Variants in GPAM observed in about 807,000 individuals in gnomAD.
GPAM encodes glycerol-3-phosphate acyltransferase, mitochondrial.
GPAM carries 56 observed loss-of-function variants against 105.0 expected under a neutral mutation model. That is an observed-to-expected ratio of 0.53 (90% CI 0.43 to 0.67). The LOEUF is 0.67. Among genes scored for constraint, GPAM ranks in the 30% least tolerant of loss-of-function variants. The probability of loss-of-function intolerance (pLI) is 0.00; values close to 1 mark genes in which losing one functional copy is unlikely to be tolerated. For missense variants in GPAM, 855 were observed against 989.8 expected (o/e 0.86, Z 1.83); for synonymous variants, 368 against 354.4 (o/e 1.04, Z -0.43).
In GPAM at chr10:112,172,147, TTAATTCCTTAAATTCCAAAA is replaced by T. The variant is rs779644355; in HGVS notation, c.794+15_794+34del. Reference sequence around the variant, plus strand: ...AATTAAAATTCAAAACATAATCTTTTTAATTCCTTAAATTCCAAAATAAGCTCATCTTACCTGAAGATTGG... The same window carrying T: ...AATTAAAATTCAAAACATAATCTTTTTAAGCTCATCTTACCTGAAGATTGG... On this transcript the variant is annotated intron_variant, in intron 9 of 21. Transcript: ENST00000348367. 2.0e-6 allele frequency: 3 copies of T among 1,503,644 alleles called. No homozygotes were observed. In the African/African-American group the frequency reaches 4.1e-5, roughly 21 times the overall value. 93.1% of individuals were successfully genotyped at this position (1,503,644 alleles called of 1,614,324 possible).
At chr10:112,223,672 A>T in the GPAM span, among the ~76,000 whole-genome samples, 3 of 152,198 alleles carry the variant, frequency 2.0e-5, no homozygotes, top group Admixed American at 6.5e-5. Flanking sequence ...AAGTACTCTA[A>T]ACTGCCCTAA....
intron 2 of GPAM, 75 bp from the exon 3 acceptor site, chr10:112,181,888 TA>T: frequency 1.4e-6 from 1 of 721,362 alleles, no homozygotes; most frequent in Admixed American, 2.0e-5. Flanking sequence ...TTCTGATTTC[TA>T]CATTACTTTG....
rs1288410566 is a variant in GPAM, at chr10:112,174,162, A to G, written c.414-317T>C. The stretch of plus-strand genomic sequence containing the variant: ...ACGAAATTGTACTCTAGCAGAAGAG[A>G]GAAAAAGAAAGGTTATCCCTTTAGG... On this transcript the variant is annotated intron_variant, in intron 6 of 21. Transcript: ENST00000348367. 3.3e-5 allele frequency among the ~76,000 whole-genome samples: 5 copies of G among 152,192 alleles called. No individual in the cohort carries two copies. In the East Asian group the frequency reaches 9.6e-4, roughly 29 times the overall value.
intron 14 of GPAM, 30 bp downstream of exon 14, chr10:112,163,671 T>G (rs374240412): frequency 4.0e-6 from 4 of 1,008,558 alleles, no homozygotes; most frequent in Non-Finnish European, 6.4e-6. Flanking sequence ...ATCTAAATTG[T>G]AGAATTAAAG....
the GPAM span, among the ~76,000 whole-genome samples, chr10:112,226,875 G>A: frequency 6.6e-6 from 1 of 151,958 alleles, no homozygotes. Flanking sequence ...AGCCATGAGG[G>A]GTTTTATGCC....
chr10:112,193,931 G>A (rs1847693311), intron 1 of GPAM, among the ~76,000 whole-genome samples: 1 of 152,144 alleles, frequency 6.6e-6, no homozygotes, highest in Admixed American at 6.5e-5. Flanking sequence ...CTAAATTTTT[G>A]AAACTCATAT....
chr10:112,153,504 G>A lies in GPAM; in HGVS notation c.*46C>T. On this transcript the variant is annotated 3_prime_UTR_variant, in exon 22 of 22. Coordinates refer to ENST00000348367, the MANE Select transcript of GPAM (RefSeq NM_001244949.2). The stretch of plus-strand genomic sequence containing the variant: ...TTGAGCCAGAAGCTGGTACCTACAA[G>A]GAACTCATCTCATGACCTTCATTTG... 3.7e-6 allele frequency: 6 copies of A among 1,612,550 alleles called. No individual in the cohort carries two copies. The highest frequency in any genetic ancestry group is 5.1e-6 in the Non-Finnish European group (6 of 1,179,176).
chr10:112,181,850 T>C (rs1360677892), intron 2 of GPAM, 37 bp from the exon 3 acceptor site: 1 of 909,330 alleles, frequency 1.1e-6, no homozygotes, highest in Admixed American at 1.7e-5. Context: ...TAACAAGGAA[T>C]CGAGAGAGTA....
chr10:112,168,216 A>C lies in GPAM; in HGVS notation c.1107+96T>G, dbSNP rs1847251205. 17 of 765,382 alleles carry C rather than the reference A, an allele frequency of 2.2e-5. No individual in the cohort carries two copies. In the South Asian group the frequency reaches 2.5e-4, roughly 11 times the overall value. 47.4% of individuals were successfully genotyped at this position (765,382 alleles called of 1,614,324 possible). On this transcript the variant is annotated intron_variant, in intron 11 of 21. Coordinates refer to ENST00000348367, the MANE Select transcript of GPAM (RefSeq NM_001244949.2). Reference sequence around the variant, plus strand: ...CAGTGCTTTAAACATAGGGAGTACCAAAAAAAATTCTTAATTCTAAAAGCA... The same window carrying C: ...CAGTGCTTTAAACATAGGGAGTACCCAAAAAAATTCTTAATTCTAAAAGCA...
rs926195110 is a variant in GPAM at position 112,161,897 on chromosome 10, C to T, written c.1424-160G>A. ...TTACCAAAAGGAAGTTATAATACTA[C>T]AGTGTTCTGGTATAATGGAACCTCA... is the stretch of plus-strand genomic sequence containing the variant. On this transcript the variant is annotated intron_variant, in intron 14 of 21. Coordinates refer to ENST00000348367, the MANE Select transcript of GPAM (RefSeq NM_001244949.2). Among the ~76,000 whole-genome samples, 4 of 152,190 alleles carry T rather than the reference C, an allele frequency of 2.6e-5. No individual in the cohort carries two copies. The East Asian group carries it at 7.7e-4, about 29-fold the overall frequency.
chr10:112,210,951 C>T (rs563691582), intron 1 of GPAM, among the ~76,000 whole-genome samples: 31 of 152,366 alleles, frequency 2.0e-4, no homozygotes, highest in Admixed American at 1.8e-3. Context: ...GCCCTCGCAG[C>T]GTTCCTGTTC....
chr10:112,166,069 T>G (rs951066078), intron 12 of GPAM, among the ~76,000 whole-genome samples: 1 of 152,198 alleles, frequency 6.6e-6, no homozygotes, highest in East Asian at 1.9e-4. Context: ...AAATTACTGC[T>G]AACTATAATT....
At chr10:112,165,257 T>G (rs191828684) in intron 12 of GPAM, among the ~76,000 whole-genome samples, 59 of 152,254 alleles carry the variant, frequency 3.9e-4, no homozygotes, top group African/African-American at 1.3e-3. Flanking sequence ...TTTGAATACC[T>G]TAAGAATTTA....
chr10:112,172,957 C>A lies in GPAM; in HGVS notation c.657+13G>T. On this transcript the variant is annotated intron_variant, in intron 8 of 21. Transcript: ENST00000348367. ...AGGGGAAAATGGGGTAATAGATTCA[C>A]AGAAATTCTTGCCTCAGTTGCAGCT... 1 of 1,405,266 alleles carries A rather than the reference C, an allele frequency of 7.1e-7. No homozygotes were observed. The highest frequency in any genetic ancestry group is 1.0e-6 in the Non-Finnish European group (1 of 989,168). 87.0% of individuals were successfully genotyped at this position (1,405,266 alleles called of 1,614,324 possible).
In GPAM at chr10:112,152,606, T is replaced by C. The variant is rs1012448858; in HGVS notation, c.*944A>G. ...CATCAGCTGTGGCCAGAGAACTGTA[T>C]TCTAACAGTCTGTCAGCTCAAGCTA... On this transcript the variant is annotated 3_prime_UTR_variant, in exon 22 of 22. Transcript: ENST00000348367. The C allele has an allele frequency of 2.1e-4, 209 of 985,264 alleles. No individual in the cohort carries two copies. Among genetic ancestry groups the C allele is most frequent in the Non-Finnish European group, 2.5e-4 (204 of 829,882 alleles). The allele number at this position is 985,264 out of a possible 1,614,324, so 61.0% of individuals were successfully genotyped here.
chr10:112,160,721 G>A lies in GPAM; in HGVS notation c.1642C>T (p.His548Tyr), dbSNP rs1203714936. ...AAAAACTCATCGTTCCTGCTAGTGT[G>A]GGTGATTGTGACACAATTTCCCAGC... Reference protein sequence around the residue: ...QLLGNCVTITHTSRNDEFFIT... With the variant: ...QLLGNCVTITYTSRNDEFFIT... Residue 548 changes from histidine (H) to tyrosine (Y), a missense_variant, in exon 16 of 22, where the codon CAC becomes TAC. Transcript: ENST00000348367. 6.2e-7 allele frequency: 1 copy of A among 1,613,944 alleles called. No homozygotes were observed. The highest frequency in any genetic ancestry group is 1.1e-5 in the South Asian group (1 of 91,070).
At chr10:112,161,578 G>T in intron 15 of GPAM, 89 bp downstream of exon 15, 1 of 1,033,184 alleles carries the variant, frequency 9.7e-7, no homozygotes, top group Non-Finnish European at 1.5e-6. Flanking sequence ...GCCATGAGTG[G>T]GCCAAATCTG....
chr10:112,225,751 A>G, the GPAM span, among the ~76,000 whole-genome samples: 1 of 152,064 alleles, frequency 6.6e-6, no homozygotes, highest in African/African-American at 2.4e-5. Flanking sequence ...CATTACATGA[A>G]TCATCATAAA....
upstream of GPAM, among the ~76,000 whole-genome samples, chr10:112,188,668 T>C (rs1170943676): frequency 6.6e-6 from 1 of 152,218 alleles, no homozygotes. Context: ...CTGTGTACAT[T>C]GCATTTTGTT....
Sources: gnomAD v4.1 joint callset for allele counts (sites outside exome capture counted in the v4.1 genomes callset) on GRCh38, gnomAD v4.1.1 for gene constraint, MANE v1.5 for transcripts, NCBI Gene and HGNC (gene_info 2026-07-23, HGNC 2026-07-21) for gene names.